The following CHCHD3 variants were observed in gnomAD, a reference collection of about 807,000 sequenced individuals.
CHCHD3 encodes the protein coiled-coil-helix-coiled-coil-helix domain containing 3.
Under a neutral mutation model 38.2 loss-of-function variants are expected in CHCHD3, and 20 were observed. The observed-to-expected ratio is 0.52, with a 90% confidence interval of 0.37 to 0.76. The LOEUF (loss-of-function observed/expected upper bound fraction) is 0.76, where lower values mean the gene tolerates loss of function less well. Ranked by LOEUF, CHCHD3 falls within the 30% of genes least tolerant of loss-of-function variation. CHCHD3 has a pLI of 0.00. For missense variants in CHCHD3, 245 were observed against 279.2 expected (o/e 0.88, Z 0.87); for synonymous variants, 82 against 100.0 (o/e 0.82, Z 1.07).
intron 6 of CHCHD3, among the ~76,000 whole-genome samples, chr7:132,810,934 G>A (rs760535706): frequency 5.3e-5 from 8 of 152,102 alleles, no homozygotes; most frequent in Non-Finnish European, 7.4e-5. Context: ...CTGCCACAAT[G>A]TTATGGCACT....
At chr7:132,958,118 C>G (rs1395492149) in intron 4 of CHCHD3, among the ~76,000 whole-genome samples, 3 of 152,102 alleles carry the variant, frequency 2.0e-5, no homozygotes, top group African/African-American at 7.2e-5. Context: ...ATAAGCTTTA[C>G]GGCCTGAATG....
At chr7:133,072,312 G>A (rs1781435507) in intron 1 of CHCHD3, among the ~76,000 whole-genome samples, 1 of 151,822 alleles carries the variant, frequency 6.6e-6, no homozygotes, top group African/African-American at 2.4e-5. Flanking sequence ...CACTTAAAAG[G>A]TATTTAGGAT....
intron 4 of CHCHD3, among the ~76,000 whole-genome samples, chr7:132,946,172 ATGTG>A (rs34177004): frequency 0.36 from 53,469 of 150,550 alleles, 10,179 homozygotes; most frequent in Non-Finnish European, 0.43. Flanking sequence ...GCCTTTATAT[ATGTG>A]TGTGTGTGTG....
rs71178065 is a variant in CHCHD3 at position 132,882,461 on chromosome 7, CTATA to C, written c.453+3197_453+3200del. Among the ~76,000 whole-genome samples the C allele has an allele frequency of 3.3e-3, 441 of 134,938 alleles. 4 individuals carry two copies. The highest frequency in any genetic ancestry group is 9.1e-3 in the African/African-American group (332 of 36,452). The allele number at this position is 134,938 out of a possible 152,430, so 88.5% of individuals were successfully genotyped here. On this transcript the variant is annotated intron_variant, in intron 5 of 7. Coordinates refer to ENST00000262570, the MANE Select transcript of CHCHD3 (RefSeq NM_017812.4). ...TCTTCAAAAAGGAAAACAATATATT[CTATA>C]TATATATATATATATATATATATAT...
chr7:132,826,832 C>T (rs1807520633), intron 6 of CHCHD3, among the ~76,000 whole-genome samples: 1 of 152,162 alleles, frequency 6.6e-6, no homozygotes, highest in South Asian at 2.1e-4. Flanking sequence ...TTTGAAATCC[C>T]TTTATCAAAA....
In CHCHD3 at chr7:132,975,173, T is replaced by C. The variant is rs1811729041; in HGVS notation, c.365A>G (p.His122Arg). ...CSEEERAKAK[H>R]LARQLEEKDR... ...TCCTACATTTTTAATACTCACCAGG[T>C]GCTTTGCCTTAGCGCGTTCCTCCTC... Residue 122 changes from histidine (H) to arginine (R), a missense_variant, in exon 4 of 8, where the codon CAC (histidine) becomes CGC (arginine). Physicochemically the swap from His to Arg is conservative, Grantham distance 29 (BLOSUM62 0). Transcript: ENST00000262570. 6 of 1,611,278 alleles carry C rather than the reference T, an allele frequency of 3.7e-6. No homozygotes were observed. The African/African-American group carries it at 4.0e-5, about 11-fold the overall frequency.
At chr7:133,077,425 G>A (rs931873841) in intron 1 of CHCHD3, among the ~76,000 whole-genome samples, 2 of 152,140 alleles carry the variant, frequency 1.3e-5, no homozygotes, top group Admixed American at 6.5e-5. Context: ...CATGAGTTAC[G>A]TTCCATATTA....
chr7:132,799,025 G>C (rs1430909659), intron 6 of CHCHD3, among the ~76,000 whole-genome samples: 11 of 145,962 alleles, frequency 7.5e-5, no homozygotes, highest in Non-Finnish European at 1.5e-5. Context: ...GTGTGTGTGT[G>C]TGTGTGTGTG....
chr7:133,035,278 G>A lies in CHCHD3; in HGVS notation c.170-10651C>T. ...TCTGCAAACTTTTTAGCATCAAACT[G>A]GGCCATCTTCTCACACAGTTTCAGT... On this transcript the variant is annotated intron_variant, in intron 2 of 7. Coordinates refer to ENST00000262570, the MANE Select transcript of CHCHD3 (RefSeq NM_017812.4). This position sits in a 1 kb window ranked among gnomAD's most constrained non-coding sequence, Gnocchi z 4.7. 1 of 1,612,814 alleles carries A rather than the reference G, an allele frequency of 6.2e-7. No homozygotes were observed. The highest frequency in any genetic ancestry group is 8.5e-7 in the Non-Finnish European group (1 of 1,178,920).
intron 1 of CHCHD3, among the ~76,000 whole-genome samples, 180 bp downstream of exon 1, chr7:133,081,677 T>C (rs1404265477): frequency 6.6e-6 from 1 of 152,218 alleles, no homozygotes; most frequent in African/African-American, 2.4e-5. Flanking sequence ...AACCAGGAAC[T>C]ATCTCTGAAT....
chr7:132,960,905 G>A (rs1349523254), intron 4 of CHCHD3, among the ~76,000 whole-genome samples: 1 of 152,114 alleles, frequency 6.6e-6, no homozygotes, highest in East Asian at 1.9e-4. Context: ...AACACCAGAA[G>A]CGGAGGTAGC....
intron 2 of CHCHD3, among the ~76,000 whole-genome samples, chr7:133,046,465 C>T (rs1417749145): frequency 6.6e-6 from 1 of 152,200 alleles, no homozygotes; most frequent in Non-Finnish European, 1.5e-5. Flanking sequence ...ATACACCCAA[C>T]ACCAGGTCAT....
At chr7:132,971,678 C>T (rs1372703765) in intron 4 of CHCHD3, among the ~76,000 whole-genome samples, 3 of 148,976 alleles carry the variant, frequency 2.0e-5, no homozygotes, top group Non-Finnish European at 4.4e-5. Context: ...CCCAACATCA[C>T]ATCAGCTCCC....
At chr7:132,904,264 G>GAA (rs773936483) in intron 4 of CHCHD3, among the ~76,000 whole-genome samples, 2 of 136,556 alleles carry the variant, frequency 1.5e-5, no homozygotes, top group African/African-American at 5.4e-5. Flanking sequence ...TTTGTGTCTA[G>GAA]AAAAAAAAAA....
At chr7:132,909,727 T>A (rs1030537955) in intron 4 of CHCHD3, among the ~76,000 whole-genome samples, 1 of 152,206 alleles carries the variant, frequency 6.6e-6, no homozygotes, top group Non-Finnish European at 1.5e-5. Flanking sequence ...GTTGTATTTA[T>A]TTTTTAATCA....
At chr7:132,864,509 A>G (rs1224734287) in intron 5 of CHCHD3, among the ~76,000 whole-genome samples, 1 of 152,218 alleles carries the variant, frequency 6.6e-6, no homozygotes, top group Non-Finnish European at 1.5e-5. Context: ...TGTGGCACAG[A>G]GACACTAAGT....
chr7:133,069,931 A>G (rs1174846931), intron 2 of CHCHD3, among the ~76,000 whole-genome samples: 1 of 152,244 alleles, frequency 6.6e-6, no homozygotes, highest in African/African-American at 2.4e-5. Context: ...TGGGAAGAGA[A>G]AACAAAATTT....
At chr7:132,923,495 C>T (rs369759723) in intron 4 of CHCHD3, among the ~76,000 whole-genome samples, 4 of 151,950 alleles carry the variant, frequency 2.6e-5, no homozygotes, top group African/African-American at 9.7e-5. Context: ...ACTTTTGGGA[C>T]GTACAACCAG....
At chr7:132,897,867 A>G (rs867578909) in intron 4 of CHCHD3, among the ~76,000 whole-genome samples, 11 of 152,340 alleles carry the variant, frequency 7.2e-5, no homozygotes, top group Non-Finnish European at 1.2e-4. Context: ...TCAAGAATGA[A>G]GCCGCGGACC....
Sources: allele counts gnomAD v4.1 joint callset (sites outside exome capture counted in the v4.1 genomes callset), GRCh38; gene constraint gnomAD v4.1.1; non-coding constraint Gnocchi (gnomAD v3.1); transcripts MANE v1.5; gene names NCBI Gene and HGNC (gene_info 2026-07-23, HGNC 2026-07-21).